The following GALNTL6 variants were observed in gnomAD, a reference collection of about 807,000 sequenced individuals.
The protein encoded by GALNTL6 is polypeptide N-acetylgalactosaminyltransferase-like 6.
GALNTL6 carries 46 observed loss-of-function variants against 73.7 expected under a neutral mutation model. The ratio of observed to expected loss-of-function variants is 0.62; its 90% confidence interval spans 0.49 to 0.80. The LOEUF is 0.80. Ranked by LOEUF, GALNTL6 falls within the 30% of genes least tolerant of loss-of-function variation. The pLI, the probability that GALNTL6 is intolerant of heterozygous loss-of-function variation, is 0.00. For missense variants in GALNTL6, 604 were observed against 755.0 expected (o/e 0.80, Z 2.34); for synonymous variants, 259 against 263.7 (o/e 0.98, Z 0.17).
At chr4:172,482,050 A>T (rs913883055) in intron 5 of GALNTL6, among the ~76,000 whole-genome samples, 6 of 152,114 alleles carry the variant, frequency 3.9e-5, no homozygotes, top group Non-Finnish European at 7.4e-5. Flanking sequence ...TGAGAATTCG[A>T]GCGCAGCGCA....
chr4:172,799,357 T>C (rs1740476164), intron 5 of GALNTL6, among the ~76,000 whole-genome samples: 1 of 152,240 alleles, frequency 6.6e-6, no homozygotes, highest in African/African-American at 2.4e-5. Context: ...CAGGAGGTTT[T>C]TCTTGTTAAT....
chr4:171,900,483 A>AT (rs10713519), intron 2 of GALNTL6, among the ~76,000 whole-genome samples: 177 of 141,516 alleles, frequency 1.3e-3, no homozygotes, highest in African/African-American at 1.6e-3. Context: ...AATTTTTTGT[A>AT]TTTTTTTTTT....
intron 2 of GALNTL6, among the ~76,000 whole-genome samples, chr4:172,220,884 C>G (rs571272760): frequency 6.6e-5 from 10 of 151,850 alleles, no homozygotes; most frequent in African/African-American, 2.4e-4. Flanking sequence ...GCGGCTGATG[C>G]AATAATGATT....
intron 5 of GALNTL6, among the ~76,000 whole-genome samples, chr4:172,379,254 G>GGC (rs1743166948): frequency 1.3e-5 from 2 of 152,180 alleles, no homozygotes; most frequent in African/African-American, 4.8e-5. Context: ...GGTTAGGCCG[G>GGC]GCGCGGTGGC....
chr4:172,989,615 T>C (rs1561073009), intron 10 of GALNTL6, among the ~76,000 whole-genome samples: 1 of 152,134 alleles, frequency 6.6e-6, no homozygotes, highest in Non-Finnish European at 1.5e-5. Flanking sequence ...GAGTGAGTTA[T>C]CATGAGATCT....
intron 5 of GALNTL6, among the ~76,000 whole-genome samples, chr4:172,663,305 A>G (rs1324843159): frequency 1.3e-5 from 2 of 152,194 alleles, no homozygotes; most frequent in Non-Finnish European, 2.9e-5. Flanking sequence ...AGGCTAATCT[A>G]ATGGGGGTTA....
intron 5 of GALNTL6, among the ~76,000 whole-genome samples, chr4:172,477,078 C>T (rs371374373): frequency 6.3e-4 from 96 of 151,642 alleles, no homozygotes; most frequent in African/African-American, 2.1e-3. Flanking sequence ...CCCGCCACCA[C>T]GCCCGGCTAA....
Position 172,981,983 on chromosome 4 carries a change from C to T in GALNTL6, c.1372-27195C>T, listed in dbSNP as rs112539529. On this transcript the variant is annotated intron_variant, in intron 10 of 12. Coordinates refer to ENST00000506823, the MANE Select transcript of GALNTL6 (RefSeq NM_001034845.3). ...GCTAATTTTGTATTTTTAGTAGAGA[C>T]GGGGTTTCTCCATGTTGGTCAGACT... 5.0e-3 allele frequency among the ~76,000 whole-genome samples: 755 copies of T among 151,868 alleles called. 6 individuals carry two copies. Among genetic ancestry groups the T allele is most frequent in the African/African-American group, 0.016 (646 of 41,418 alleles).
intron 5 of GALNTL6, among the ~76,000 whole-genome samples, chr4:172,440,677 G>A (rs1731802596): frequency 6.6e-6 from 1 of 152,148 alleles, no homozygotes; most frequent in Non-Finnish European, 1.5e-5. Flanking sequence ...CACTCTGGTA[G>A]AACATGTTGG....
chr4:172,901,671 C>T (rs910394406), intron 8 of GALNTL6, among the ~76,000 whole-genome samples: 6 of 152,058 alleles, frequency 3.9e-5, no homozygotes, highest in Non-Finnish European at 7.4e-5. Context: ...CATGGCCGAA[C>T]GAAAAAAATT....
At chr4:172,804,792 T>C (rs146308157) in intron 5 of GALNTL6, among the ~76,000 whole-genome samples, 1 of 152,392 alleles carries the variant, frequency 6.6e-6, no homozygotes, top group East Asian at 1.9e-4. Flanking sequence ...CAGTCATTAT[T>C]CTGACATTAG....
At chr4:171,982,835 T>C (rs1399730588) in intron 2 of GALNTL6, among the ~76,000 whole-genome samples, 1 of 152,222 alleles carries the variant, frequency 6.6e-6, no homozygotes, top group Non-Finnish European at 1.5e-5. Flanking sequence ...AAAGTTAAGC[T>C]TGGGAACTGA....
chr4:172,811,891 C>G (rs1389128135), intron 6 of GALNTL6, among the ~76,000 whole-genome samples: 3 of 152,112 alleles, frequency 2.0e-5, no homozygotes, highest in Non-Finnish European at 4.4e-5. Flanking sequence ...TTCCTGAAGA[C>G]AGAAATTTTT....
intron 5 of GALNTL6, among the ~76,000 whole-genome samples, chr4:172,468,358 T>C (rs577421220): frequency 6.6e-6 from 1 of 152,354 alleles, no homozygotes; most frequent in Non-Finnish European, 1.5e-5. Context: ...AGACATCTGA[T>C]GGAGCTATAT....
intron 9 of GALNTL6, among the ~76,000 whole-genome samples, chr4:172,932,566 G>A (rs1234588563): frequency 6.6e-6 from 1 of 152,134 alleles, no homozygotes; most frequent in Non-Finnish European, 1.5e-5. Context: ...AATACAGGCT[G>A]AGTATCCCTC....
intron 4 of GALNTL6, among the ~76,000 whole-genome samples, chr4:172,315,864 G>A (rs1469241143): frequency 1.3e-5 from 2 of 151,874 alleles, no homozygotes; most frequent in African/African-American, 4.8e-5. Context: ...TACCTGAGAT[G>A]TCACATATAT....
intron 3 of GALNTL6, among the ~76,000 whole-genome samples, chr4:172,241,673 T>C (rs564870472): frequency 2.0e-4 from 31 of 152,352 alleles, no homozygotes; most frequent in African/African-American, 7.5e-4. Context: ...TGTTAAGGCA[T>C]TAAGGCATAT....
chr4:172,144,441 G>A (rs1342222866), intron 2 of GALNTL6, among the ~76,000 whole-genome samples: 1 of 151,996 alleles, frequency 6.6e-6, no homozygotes, highest in Non-Finnish European at 1.5e-5. Context: ...CCATTTCTAG[G>A]AAATAAAAAT....
At chr4:172,879,723 G>A (rs1314775331) in intron 7 of GALNTL6, among the ~76,000 whole-genome samples, 2 of 151,592 alleles carry the variant, frequency 1.3e-5, no homozygotes, top group African/African-American at 2.4e-5. Flanking sequence ...GGAAAGAAGA[G>A]CAAATTAAAT....
Sources: gnomAD v4.1 joint callset for allele counts (sites outside exome capture counted in the v4.1 genomes callset) on GRCh38, gnomAD v4.1.1 for gene constraint, MANE v1.5 for transcripts, NCBI Gene and HGNC (gene_info 2026-07-23, HGNC 2026-07-21) for gene names.